Variants in FAR2 observed in about 807,000 individuals in gnomAD.
The protein encoded by FAR2 is fatty acyl-CoA reductase 2, also known as epididymis secretory protein Li 81.
Under a neutral mutation model 56.0 loss-of-function variants are expected in FAR2, and 19 were observed. That is an observed-to-expected ratio of 0.34 (90% CI 0.24 to 0.50). The LOEUF (loss-of-function observed/expected upper bound fraction) is 0.50. FAR2 is among the 20% of genes least tolerant of loss of function. The pLI, the probability that FAR2 is intolerant of heterozygous loss-of-function variation, is 0.98. For missense variants in FAR2, 508 were observed against 642.2 expected, an observed-to-expected ratio of 0.79 and a Z score of 2.26; for synonymous variants, 219 against 218.8, an observed-to-expected ratio of 1.00 and a Z score of -0.01.
chr12:29,258,312 A>AC (rs1407280565), intron 1 of FAR2, among the ~76,000 whole-genome samples: 2 of 152,144 alleles, frequency 1.3e-5, no homozygotes, highest in African/African-American at 2.4e-5. Flanking sequence ...CCGAGATCGC[A>AC]CCACTGCACT....
chr12:29,235,623 C>T (rs1190467591), intron 1 of FAR2, among the ~76,000 whole-genome samples: 3 of 152,094 alleles, frequency 2.0e-5, no homozygotes, highest in East Asian at 1.9e-4. Context: ...ACCTATAAGC[C>T]ATGCAAGAAC....
intron 4 of FAR2, among the ~76,000 whole-genome samples, chr12:29,297,515 A>G (rs898425943): frequency 2.0e-5 from 3 of 152,212 alleles, no homozygotes; most frequent in Admixed American, 1.3e-4. Flanking sequence ...TAAAGCAAGT[A>G]TAATGTATAG....
intron 3 of FAR2, among the ~76,000 whole-genome samples, chr12:29,295,353 C>T (rs796223013): frequency 9.2e-5 from 14 of 152,280 alleles, no homozygotes; most frequent in African/African-American, 3.4e-4. Context: ...GGATTACAGG[C>T]GTGAGCCACC....
chr12:29,266,357 CA>C (rs1447055114), intron 1 of FAR2, among the ~76,000 whole-genome samples: 1 of 151,974 alleles, frequency 6.6e-6, no homozygotes, highest in Admixed American at 6.6e-5. Flanking sequence ...TTATTTGCAA[CA>C]ATATAGATGG....
chr12:29,299,874 C>T (rs1411074939), intron 4 of FAR2, among the ~76,000 whole-genome samples: 1 of 152,210 alleles, frequency 6.6e-6, no homozygotes, highest in Non-Finnish European at 1.5e-5. Flanking sequence ...CAAGGCTCCC[C>T]AGCGAAGCTC....
chr12:29,270,417 T>A lies in FAR2; in HGVS notation c.-33T>A. ...TTATTTCTCTTCCTTTTCAGGAACC[T>A]CTTTCAGGAGCTATAAAAGAAAGGG... On this transcript the variant is annotated 5_prime_UTR_variant, in exon 2 of 12. Coordinates refer to ENST00000536681, the MANE Select transcript of FAR2 (RefSeq NM_001271783.2). 1 of 1,490,586 alleles carries A rather than the reference T, an allele frequency of 6.7e-7. No homozygotes were observed. The highest frequency in any genetic ancestry group is 2.4e-5 in the East Asian group (1 of 42,314). 92.3% of individuals were successfully genotyped at this position (1,490,586 alleles called of 1,614,324 possible).
At chr12:29,298,070 A>G (rs1053516322) in intron 4 of FAR2, among the ~76,000 whole-genome samples, 3 of 151,774 alleles carry the variant, frequency 2.0e-5, no homozygotes, top group Admixed American at 6.6e-5. Context: ...CTAATGAAGA[A>G]TAAGAATTGC....
chr12:29,245,278 C>A (rs563972035), intron 1 of FAR2, among the ~76,000 whole-genome samples: 8 of 152,198 alleles, frequency 5.3e-5, no homozygotes, highest in Non-Finnish European at 8.8e-5. Flanking sequence ...CTGCGCCTGG[C>A]CCTGTCTGCC....
At chr12:29,216,462 T>A (rs1394935376) in intron 1 of FAR2, among the ~76,000 whole-genome samples, 1 of 134,842 alleles carries the variant, frequency 7.4e-6, no homozygotes, top group Non-Finnish European at 1.8e-5. Flanking sequence ...AATCTCTTAT[T>A]GCTCTCATGT....
At chr12:29,255,006 G>C (rs10743651) in intron 1 of FAR2, among the ~76,000 whole-genome samples, 84,853 of 151,426 alleles carry the variant, frequency 0.56, 24,299 homozygotes, top group African/African-American at 0.67. Flanking sequence ...CAATGATTGT[G>C]ATGCATTATT....
chr12:29,225,088 T>A (rs1346845156), intron 1 of FAR2, among the ~76,000 whole-genome samples: 1 of 151,938 alleles, frequency 6.6e-6, no homozygotes, highest in Non-Finnish European at 1.5e-5. Context: ...GTAAAAGAAT[T>A]AGCCAGGTGT....
At chr12:29,158,253 C>A (rs1403460312) in intron 1 of FAR2, among the ~76,000 whole-genome samples, 1 of 152,174 alleles carries the variant, frequency 6.6e-6, no homozygotes, top group African/African-American at 2.4e-5. Context: ...AATATTATTT[C>A]ACTTGTGTTT....
intron 1 of FAR2, among the ~76,000 whole-genome samples, chr12:29,168,227 G>A (rs1401975283): frequency 6.6e-6 from 1 of 152,162 alleles, no homozygotes; most frequent in African/African-American, 2.4e-5. Context: ...AGGGAAGCCT[G>A]CAATTAGATG....
intron 1 of FAR2, among the ~76,000 whole-genome samples, chr12:29,246,570 C>A (rs766127536): frequency 4.6e-5 from 7 of 152,128 alleles, no homozygotes; most frequent in African/African-American, 1.7e-4. Flanking sequence ...ATATACAAAA[C>A]AGGTCAATAA....
intron 1 of FAR2, among the ~76,000 whole-genome samples, chr12:29,177,862 A>C (rs1333105267): frequency 1.3e-5 from 2 of 152,156 alleles, no homozygotes; most frequent in Non-Finnish European, 2.9e-5. Flanking sequence ...AACATACAAC[A>C]ACAACAAAAA....
At chr12:29,202,969 G>T (rs1259045569) in intron 1 of FAR2, among the ~76,000 whole-genome samples, 5 of 152,142 alleles carry the variant, frequency 3.3e-5, no homozygotes, top group Non-Finnish European at 5.9e-5. Flanking sequence ...ATTCATTCTA[G>T]AAATATCTTC....
intron 1 of FAR2, among the ~76,000 whole-genome samples, chr12:29,188,778 GT>G (rs1322697054): frequency 2.5e-4 from 35 of 138,744 alleles, no homozygotes; most frequent in South Asian, 4.6e-4. Flanking sequence ...TTTGTTTTTT[GT>G]TTTTTTTTTT....
intron 2 of FAR2, among the ~76,000 whole-genome samples, chr12:29,286,096 C>T (rs1285360248): frequency 6.6e-6 from 1 of 152,008 alleles, no homozygotes; most frequent in Non-Finnish European, 1.5e-5. Context: ...CACATACACA[C>T]ACACACAACA....
At chr12:29,162,884 C>G (rs1949794465) in intron 1 of FAR2, among the ~76,000 whole-genome samples, 1 of 152,308 alleles carries the variant, frequency 6.6e-6, no homozygotes, top group African/African-American at 2.4e-5. Context: ...CGCATTCATT[C>G]AACGAGTATT....
Sources: gnomAD v4.1 joint callset for allele counts (sites outside exome capture counted in the v4.1 genomes callset) on GRCh38, gnomAD v4.1.1 for gene constraint, MANE v1.5 for transcripts, NCBI Gene and HGNC (gene_info 2026-07-23, HGNC 2026-07-21) for gene names.